EYS: variants seen among roughly 807,000 people sequenced by gnomAD.
The protein encoded by EYS is EGF-like photoreceptor maintenance factor.
EYS carries 250 observed loss-of-function variants against 282.1 expected under a neutral mutation model. The observed-to-expected ratio is 0.89, with a 90% CI of 0.80 to 0.98. The LOEUF is 0.98. Ranked by LOEUF, EYS falls within the 50% of genes least tolerant of loss-of-function variation. The probability of loss-of-function intolerance (pLI) is 0.00; values close to 1 mark genes in which losing one functional copy is unlikely to be tolerated. For missense variants in EYS, 4,016 were observed against 3,709.0 expected, an observed-to-expected ratio of 1.08 and a Z score of -2.15; for synonymous variants, 1,355 against 1,282.9, an observed-to-expected ratio of 1.06 and a Z score of -1.20.
intron 28 of EYS, among the ~76,000 whole-genome samples, chr6:64,417,671 C>CTTTTTT (rs11414644): frequency 2.4e-5 from 3 of 124,028 alleles, no homozygotes; most frequent in Non-Finnish European, 4.8e-5. Flanking sequence ...TAAGGGTTGG[C>CTTTTTT]TTTTTTTTTT....
At chr6:64,815,454 A>G (rs1251416975) in intron 21 of EYS, among the ~76,000 whole-genome samples, 1 of 152,074 alleles carries the variant, frequency 6.6e-6, no homozygotes, top group Non-Finnish European at 1.5e-5. Context: ...TAGACTGCCA[A>G]AAGTTCTGTC....
rs915505702 is a variant in EYS at position 63,864,186 on chromosome 6, C to G, written c.7228G>C (p.Ala2410Pro). The change falls in exon 36 of 43, where the codon GCT (alanine) becomes CCT (proline). Residue 2410 changes from alanine to proline, a missense_variant and splice_region_variant. Coordinates refer to ENST00000503581, the MANE Select transcript of EYS (RefSeq NM_001142800.2). ...ATGTTTAATAATCAAATGCTCTTAC[C>G]ATCAGTGCAGAGGGGTCCAGACCTC... ...YGRSGPLCTD[A>P]INITQPRFSG... 1 of 1,480,280 alleles carries G rather than the reference C, an allele frequency of 6.8e-7. No homozygotes were observed. The highest frequency in any genetic ancestry group is 2.5e-5 in the East Asian group (1 of 39,720). 91.7% of individuals were successfully genotyped at this position (1,480,280 alleles called of 1,614,324 possible).
intron 35 of EYS, among the ~76,000 whole-genome samples, chr6:63,973,262 A>G (rs1766670081): frequency 6.6e-6 from 1 of 152,066 alleles, no homozygotes; most frequent in Admixed American, 6.6e-5. Flanking sequence ...CTGGCATGAG[A>G]TGGTATCTCA....
chr6:64,926,297 C>G (rs1349879191), intron 15 of EYS, among the ~76,000 whole-genome samples: 1 of 152,154 alleles, frequency 6.6e-6, no homozygotes, highest in Admixed American at 6.6e-5. Flanking sequence ...AAATCTCTGA[C>G]CTGAGACTCT....
At chr6:64,724,394 T>A (rs927834243) in intron 22 of EYS, among the ~76,000 whole-genome samples, 1 of 152,224 alleles carries the variant, frequency 6.6e-6, no homozygotes, top group Non-Finnish European at 1.5e-5. Flanking sequence ...AAATCACTAA[T>A]GTAGATTTTT....
chr6:64,373,881 A>T (rs1425402865), intron 29 of EYS, among the ~76,000 whole-genome samples: 1 of 151,990 alleles, frequency 6.6e-6, no homozygotes, highest in African/African-American at 2.4e-5. Flanking sequence ...GGACAATAGA[A>T]GCCGTGCTCT....
At chr6:64,473,831 C>T (rs917770554) in intron 26 of EYS, among the ~76,000 whole-genome samples, 28 of 151,992 alleles carry the variant, frequency 1.8e-4, no homozygotes, top group Admixed American at 1.6e-3. Context: ...GACTGTAGAC[C>T]GCCTATGGGA....
At position 65,605,860 on chromosome 6, in the gene EYS, G is replaced by A. The variant is rs114984123; in HGVS notation, c.-333+33918C>T. Among the ~76,000 whole-genome samples the A allele has an allele frequency of 7.0e-3, 1,069 of 151,674 alleles. 10 individuals carry two copies. Among genetic ancestry groups the A allele is most frequent in the African/African-American group, 0.024 (984 of 41,506 alleles). ...TGATTGTATGCATAAAAGAATAAAC[G>A]TCTGAAAATGTAGAATAAAATAAAA... On this transcript the variant is annotated intron_variant, in intron 2 of 42. Coordinates refer to ENST00000503581, the MANE Select transcript of EYS (RefSeq NM_001142800.2).
At chr6:65,606,201 A>T (rs979629162) in intron 2 of EYS, among the ~76,000 whole-genome samples, 2 of 149,694 alleles carry the variant, frequency 1.3e-5, no homozygotes, top group Admixed American at 6.8e-5. Flanking sequence ...TACAACCAGT[A>T]TTCAAAAATA....
intron 31 of EYS, among the ~76,000 whole-genome samples, chr6:64,111,371 A>G (rs1045205614): frequency 6.6e-6 from 1 of 152,044 alleles, no homozygotes; most frequent in Admixed American, 6.6e-5. Context: ...AAAAGAGGCT[A>G]TAGGAGTCGA....
chr6:64,539,629 C>T (rs545004256), intron 26 of EYS, among the ~76,000 whole-genome samples: 31 of 152,184 alleles, frequency 2.0e-4, no homozygotes, highest in Non-Finnish European at 4.0e-4. Flanking sequence ...CTGGGATGAG[C>T]CCAAGGTGAT....
intron 12 of EYS, among the ~76,000 whole-genome samples, chr6:65,199,800 T>C (rs1765855508): frequency 6.6e-6 from 1 of 151,954 alleles, no homozygotes. Context: ...AATAAATAGA[T>C]ATTTGCATTA....
chr6:64,495,726 C>A (rs756333188), intron 26 of EYS, among the ~76,000 whole-genome samples: 1 of 151,744 alleles, frequency 6.6e-6, no homozygotes, highest in African/African-American at 2.4e-5. Context: ...CCTTAACTAT[C>A]TTTTGTTATT....
intron 36 of EYS, among the ~76,000 whole-genome samples, chr6:63,814,538 G>T (rs188139289): frequency 3.9e-4 from 60 of 152,174 alleles, no homozygotes; most frequent in Admixed American, 5.9e-4. Context: ...AAAAAGCTAA[G>T]AACAAACAGA....
chr6:65,219,355 G>T (rs183005307), intron 12 of EYS, among the ~76,000 whole-genome samples: 1 of 152,084 alleles, frequency 6.6e-6, no homozygotes, highest in East Asian at 1.9e-4. Flanking sequence ...ATTGGTGATT[G>T]GTAAAACCAT....
At position 64,912,597 on chromosome 6, in the gene EYS, C is replaced by G; in HGVS notation, c.2528G>C (p.Gly843Ala). The change falls in exon 16 of 43, where the codon GGA becomes GCA. Residue 843 changes from glycine to alanine, a missense_variant. Coordinates refer to ENST00000503581, the MANE Select transcript of EYS (RefSeq NM_001142800.2). Reference protein sequence around the residue: ...FVCLCPPLYTGQFCHQRYNLC... With the variant: ...FVCLCPPLYTAQFCHQRYNLC... ...GTTATAGCGTTGGTGGCAAAATTGT[C>G]CAGTATAAAGGGGTGGGCACAGACA... The G allele has an allele frequency of 6.4e-7, 1 of 1,551,158 alleles. No homozygotes were observed. The highest frequency in any genetic ancestry group is 8.7e-7 in the Non-Finnish European group (1 of 1,146,690).
intron 8 of EYS, among the ~76,000 whole-genome samples, chr6:65,368,884 AGAG>A (rs1394233032): frequency 6.6e-6 from 1 of 151,564 alleles, no homozygotes; most frequent in Non-Finnish European, 1.5e-5. Context: ...GAGAGAGATG[AGAG>A]GAGATGTAAG....
chr6:65,101,324 T>C (rs1328999814), intron 12 of EYS, among the ~76,000 whole-genome samples: 1 of 151,378 alleles, frequency 6.6e-6, no homozygotes, highest in African/African-American at 2.4e-5. Context: ...GATAATATAG[T>C]TGGTACCTTG....
chr6:64,551,797 G>A (rs1394095860), intron 26 of EYS, among the ~76,000 whole-genome samples: 1 of 152,074 alleles, frequency 6.6e-6, no homozygotes, highest in Non-Finnish European at 1.5e-5. Flanking sequence ...CTTCCACAGT[G>A]GTTGAACTAG....
Sources: gnomAD v4.1 joint callset for allele counts (sites outside exome capture counted in the v4.1 genomes callset) on GRCh38, gnomAD v4.1.1 for gene constraint, MANE v1.5 for transcripts, NCBI Gene and HGNC (gene_info 2026-07-23, HGNC 2026-07-21) for gene names.